CYP17A1: variants seen among roughly 807,000 people sequenced by gnomAD.
CYP17A1 encodes the protein cytochrome P450 family 17 subfamily A member 1, also known as steroid 17-alpha-hydroxylase/17,20 lyase.
CYP17A1 carries 27 observed loss-of-function variants against 38.5 expected under a neutral mutation model. That is an observed-to-expected ratio of 0.70 (90% CI 0.52 to 0.97). The LOEUF (loss-of-function observed/expected upper bound fraction) is 0.97. CYP17A1 is among the 50% of genes least tolerant of loss of function. The pLI, the probability that CYP17A1 is intolerant of heterozygous loss-of-function variation, is 0.00. For missense variants in CYP17A1, 549 were observed against 645.9 expected (o/e 0.85, Z 1.63); for synonymous variants, 263 against 253.3 (o/e 1.04, Z -0.36).
At chr10:102,833,453 A>T in intron 4 of CYP17A1, 21 of 511,618 alleles carry the variant, frequency 4.1e-5, no homozygotes, top group Non-Finnish European at 5.6e-5. Flanking sequence ...CAACTCCTTG[A>T]GTCAGTTTTT....
chr10:102,830,786 C>T lies in CYP17A1; in HGVS notation c.1443G>A (p.Lys481=), dbSNP rs2134081063. Residue 481 remains lysine (K), a synonymous_variant, in exon 8 of 8, where the codon AAG becomes AAA. Coordinates refer to ENST00000369887, the MANE Select transcript of CYP17A1 (RefSeq NM_000102.4). The surrounding 1 kb of genome is among the most constrained non-coding windows in gnomAD (Gnocchi z 4.1). ...GQLPSLEGIP[K]VVFLIDSFKV... Reference sequence around the variant, plus strand: ...TGAAAGAGTCGATCAGAAAGACCACCTTGGGGATGCCTTCCAGGGAGGGCA... The same window carrying T: ...TGAAAGAGTCGATCAGAAAGACCACTTTGGGGATGCCTTCCAGGGAGGGCA... The T allele has an allele frequency of 6.3e-7, 1 of 1,597,636 alleles. No individual in the cohort carries two copies.
chr10:102,834,498 A>C (rs1844133874), intron 3 of CYP17A1: 2 of 569,262 alleles, frequency 3.5e-6, no homozygotes, highest in African/African-American at 3.8e-5. Context: ...CCTACTTCCA[A>C]GGGGAATTCA....
intron 1 of CYP17A1, among the ~76,000 whole-genome samples, chr10:102,836,427 G>C (rs1844162646): frequency 7.1e-6 from 1 of 141,390 alleles, no homozygotes; most frequent in Non-Finnish European, 1.5e-5. Flanking sequence ...CTGCACTCCA[G>C]GCTGGGCGAC....
At chr10:102,835,109 GC>G in intron 2 of CYP17A1, 95 bp from the exon 3 acceptor site, 2 of 1,082,748 alleles carry the variant, frequency 1.8e-6, no homozygotes, top group Non-Finnish European at 2.8e-6. Flanking sequence ...GGGACAGATA[GC>G]AGATGGCCAC....
Position 102,830,926 on chromosome 10 carries a change from A to C in CYP17A1, c.1303T>G (p.Phe435Val). ...ATACAGGAGCGAGGTCCTGCTCCGA[A>C]GGGCAAATAGCTTACTGACGGTGAG... ...LISPSVSYLPFGAGPRSCIGE... is the reference protein window; with the variant it reads ...LISPSVSYLPVGAGPRSCIGE... Residue 435 changes from phenylalanine to valine, a missense_variant, in exon 8 of 8, where the codon TTC becomes GTC. Phe to Val is a conservative substitution (Grantham distance 50, BLOSUM62 -1). Coordinates refer to ENST00000369887, the MANE Select transcript of CYP17A1 (RefSeq NM_000102.4). The surrounding 1 kb of genome is among the most constrained non-coding windows in gnomAD (Gnocchi z 4.1). The C allele has an allele frequency of 6.3e-7, 1 of 1,575,540 alleles. No individual in the cohort carries two copies. Among genetic ancestry groups the C allele is most frequent in the Non-Finnish European group, 8.6e-7 (1 of 1,156,884 alleles).
chr10:102,835,256 ATCT>A lies in CYP17A1; in HGVS notation c.431_433del (p.Lys144del), dbSNP rs745351748. The A allele has an allele frequency of 5.6e-6, 9 of 1,613,220 alleles. No homozygotes were observed. Among genetic ancestry groups the A allele is most frequent in the Non-Finnish European group, 7.6e-6 (9 of 1,179,254 alleles). On this transcript the variant is annotated inframe_deletion, in exon 2 of 8. Coordinates refer to ENST00000369887, the MANE Select transcript of CYP17A1 (RefSeq NM_000102.4). ...CCAGGGGCCAGCCTGGCACTCACTG[ATCT>A]TCTCCAGCTTCTGATCGCCATCCTT...
rs775909420 is a variant in CYP17A1 at position 102,834,795 on chromosome 10, G to A, written c.656C>T (p.Pro219Leu). 4.3e-6 allele frequency: 7 copies of A among 1,613,976 alleles called. No individual in the cohort carries two copies. The highest frequency in any genetic ancestry group is 5.9e-6 in the Non-Finnish European group (7 of 1,180,034). The change falls in exon 3 of 8, where the codon CCC becomes CTC. Residue 219 changes from proline (P) to leucine (L), a missense_variant. Physicochemically the swap from Pro to Leu is moderately conservative, Grantham distance 98. Coordinates refer to ENST00000369887, the MANE Select transcript of CYP17A1 (RefSeq NM_000102.4). ...CTGGCAGCATCTCACCTTCAACCAG[G>A]GGACTAGGTCCACCAGGCTGTCTTT... Reference protein sequence around the residue: ...LSKDSLVDLVPWLKIFPNKTL... With the variant: ...LSKDSLVDLVLWLKIFPNKTL...
intron 4 of CYP17A1, 81 bp downstream of exon 4, chr10:102,833,955 T>C: frequency 1.3e-6 from 1 of 790,520 alleles, no homozygotes; most frequent in Non-Finnish European, 2.3e-6. Context: ...TTGAAGCTTC[T>C]ACAGTGTGTA....
In CYP17A1 at chr10:102,830,924, G is replaced by T; in HGVS notation, c.1305C>A (p.Phe435Leu). The T allele has an allele frequency of 6.4e-7, 1 of 1,574,270 alleles. No individual in the cohort carries two copies. The highest frequency in any genetic ancestry group is 2.3e-5 in the East Asian group (1 of 43,276). The change falls in exon 8 of 8, where the codon TTC becomes TTA. Residue 435 changes from phenylalanine to leucine, a missense_variant. Phe to Leu is a conservative substitution (Grantham distance 22). Coordinates refer to ENST00000369887, the MANE Select transcript of CYP17A1 (RefSeq NM_000102.4). The surrounding 1 kb of genome is among the most constrained non-coding windows in gnomAD (Gnocchi z 4.1). ...LISPSVSYLP[F>L]GAGPRSCIGE... is the part of the protein sequence containing the mutation. ...CTATACAGGAGCGAGGTCCTGCTCC[G>T]AAGGGCAAATAGCTTACTGACGGTG...
At chr10:102,831,913 A>G (rs1423090054) in intron 6 of CYP17A1, among the ~76,000 whole-genome samples, 1 of 152,140 alleles carries the variant, frequency 6.6e-6, no homozygotes, top group Admixed American at 6.5e-5. Flanking sequence ...GCTGGTTGGA[A>G]CATGGAGCTC....
Position 102,837,248 on chromosome 10 carries a change from G to A in CYP17A1, c.114C>T (p.Gly38=). Residue 38 remains glycine, a synonymous_variant, in exon 1 of 8, where the codon GGC becomes GGT. Transcript: ENST00000369887. ...PKSLLSLPLV[G]SLPFLPRHGH... is the part of the protein sequence containing the mutation. ...CGTGTCTGGGGAGGAATGGCAGGCT[G>A]CCCACCAGGGGCAGGGACAGGAGGC... is the stretch of plus-strand genomic sequence containing the variant. 1.2e-6 allele frequency: 2 copies of A among 1,605,038 alleles called. No homozygotes were observed. The highest frequency in any genetic ancestry group is 1.7e-6 in the Non-Finnish European group (2 of 1,171,782).
intron 4 of CYP17A1, 78 bp downstream of exon 4, chr10:102,833,958 A>G (rs1037955982): frequency 8.8e-6 from 7 of 795,438 alleles, no homozygotes; most frequent in Non-Finnish European, 4.5e-6. Flanking sequence ...AAGCTTCTAC[A>G]GTGTGTAGAA....
At position 102,832,533 on chromosome 10, in the gene CYP17A1, G is replaced by A. The variant is rs1423560123; in HGVS notation, c.1117C>T (p.His373Tyr). 1.2e-6 allele frequency: 2 copies of A among 1,610,612 alleles called. No individual in the cohort carries two copies. The highest frequency in any genetic ancestry group is 1.7e-5 in the Admixed American group (1 of 60,022). ...CACCTGGAGTCAACGTTGGCCTTGT[G>A]GGGGATGAGCATAGGGGCCACGGGC... ...LRPVAPMLIP[H>Y]KANVDSSIGE... Residue 373 changes from histidine (H) to tyrosine (Y), a missense_variant, in exon 6 of 8, where the codon CAC becomes TAC. This residue lies in a region of CYP17A1 where 257 missense variants were observed against 307.9 expected (regional missense o/e 0.83). Coordinates refer to ENST00000369887, the MANE Select transcript of CYP17A1 (RefSeq NM_000102.4).
chr10:102,832,133 G>A (rs922269774), intron 6 of CYP17A1, among the ~76,000 whole-genome samples: 1 of 152,102 alleles, frequency 6.6e-6, no homozygotes, highest in Non-Finnish European at 1.5e-5. Context: ...GAGTGCAGTG[G>A]TGCAATCTTG....
intron 7 of CYP17A1, 87 bp from the exon 8 acceptor site, chr10:102,831,072 C>T (rs1844081442): frequency 2.2e-6 from 2 of 916,256 alleles, no homozygotes; most frequent in South Asian, 2.8e-5. Flanking sequence ...GAGACATGGC[C>T]CTGCCCAGGG....
intron 1 of CYP17A1, among the ~76,000 whole-genome samples, chr10:102,835,965 C>G (rs574753408): frequency 1.3e-5 from 2 of 152,196 alleles, no homozygotes; most frequent in African/African-American, 4.8e-5. Flanking sequence ...GCCGAGCCGC[C>G]TCCTCCTAGA....
At chr10:102,835,107 T>G (rs1435479650) in intron 2 of CYP17A1, 93 bp from the exon 3 acceptor site, 2 of 1,085,274 alleles carry the variant, frequency 1.8e-6, no homozygotes, top group East Asian at 2.4e-5. Flanking sequence ...GGGGGACAGA[T>G]AGCAGATGGC....
intron 5 of CYP17A1, 88 bp from the exon 6 acceptor site, chr10:102,832,768 G>A (rs1844108032): frequency 2.4e-6 from 3 of 1,253,808 alleles, no homozygotes; most frequent in Admixed American, 3.4e-5. Flanking sequence ...GTGACATCGA[G>A]AAGAGCCTGT....
intron 7 of CYP17A1, 55 bp downstream of exon 7, chr10:102,831,453 G>A: frequency 1.2e-6 from 2 of 1,606,554 alleles, no homozygotes; most frequent in Non-Finnish European, 1.7e-6. Flanking sequence ...CTGGGGTGGT[G>A]GAGCAGAGTC....
Sources: gnomAD v4.1 joint callset for allele counts (sites outside exome capture counted in the v4.1 genomes callset) on GRCh38, gnomAD v4.1.1 for gene constraint, gnomAD v4.1.1 regional missense constraint, Gnocchi (gnomAD v3.1) non-coding constraint, MANE v1.5 for transcripts, NCBI Gene and HGNC (gene_info 2026-07-23, HGNC 2026-07-21) for gene names.